The following PRKCD variants were observed in gnomAD, a reference collection of about 807,000 sequenced individuals.
PRKCD encodes the protein protein kinase C delta.
A neutral mutation model predicts 82.2 loss-of-function variants in PRKCD; 20 were observed. The ratio of observed to expected loss-of-function variants is 0.24; its 90% CI spans 0.17 to 0.35. PRKCD has a LOEUF of 0.35. PRKCD is among the 10% of genes least tolerant of loss of function. The pLI is 1.00. For missense variants in PRKCD, 607 were observed against 899.0 expected, an observed-to-expected ratio of 0.68 and a Z score of 4.15; for synonymous variants, 317 against 337.0, an observed-to-expected ratio of 0.94 and a Z score of 0.65.
At chr3:53,176,561 AT>A (rs1208170991) in intron 2 of PRKCD, among the ~76,000 whole-genome samples, 2 of 152,250 alleles carry the variant, frequency 1.3e-5, no homozygotes, top group African/African-American at 4.8e-5. Context: ...ATACATGTGC[AT>A]GTGCACAAAA....
intron 2 of PRKCD, among the ~76,000 whole-genome samples, chr3:53,167,146 T>C (rs564906120): frequency 6.6e-6 from 1 of 152,340 alleles, no homozygotes; most frequent in South Asian, 2.1e-4. Context: ...GGAGGCTTAC[T>C]TCCTCTGAGC....
chr3:53,189,832 A>G (rs782639408), intron 17 of PRKCD, 41 bp from the exon 18 acceptor site: 13 of 1,612,132 alleles, frequency 8.1e-6, no homozygotes, highest in Non-Finnish European at 1.0e-5. Flanking sequence ...CCAATTTCCC[A>G]TGGCCCTTGG....
At chr3:53,171,455 G>A (rs1156325635) in intron 2 of PRKCD, among the ~76,000 whole-genome samples, 1 of 152,214 alleles carries the variant, frequency 6.6e-6, no homozygotes, top group Non-Finnish European at 1.5e-5. Context: ...AAGGCCCCCA[G>A]CCAACAGGTC....
Position 53,186,304 on chromosome 3 carries a change from C to A in PRKCD, c.1224C>A (p.Pro408=). ...KRVLTLAAEN[P]FLTHLICTFQ... ...TGCTGACACTTGCCGCAGAGAATCCCTTTCTCACCCACCTCATCTGCACCT... is the reference window on the plus strand; with the variant it reads ...TGCTGACACTTGCCGCAGAGAATCCATTTCTCACCCACCTCATCTGCACCT... The change falls in exon 13 of 19, where the codon CCC becomes CCA. Residue 408 remains proline (P), a synonymous_variant. Coordinates refer to ENST00000330452, the MANE Select transcript of PRKCD (RefSeq NM_006254.4). 6.2e-7 allele frequency: 1 copy of A among 1,614,168 alleles called. No homozygotes were observed. The highest frequency in any genetic ancestry group is 8.5e-7 in the Non-Finnish European group (1 of 1,180,022).
At chr3:53,186,063 C>A in intron 12 of PRKCD, 36 bp downstream of exon 12, 2 of 1,612,732 alleles carry the variant, frequency 1.2e-6, no homozygotes, top group Non-Finnish European at 8.5e-7. Context: ...CTTCCCACCC[C>A]ACCCTGGCTT....
intron 1 of PRKCD, among the ~76,000 whole-genome samples, chr3:53,162,102 G>A (rs1193385336): frequency 6.6e-6 from 1 of 151,678 alleles, no homozygotes; most frequent in Admixed American, 6.6e-5. Flanking sequence ...CCCTTCATCC[G>A]TCTCTGGGCT....
At chr3:53,184,675 C>CAA (rs535517121) in intron 9 of PRKCD, among the ~76,000 whole-genome samples, 199 bp from the exon 10 acceptor site, 1,333 of 116,670 alleles carry the variant, frequency 0.011, 19 homozygotes, top group African/African-American at 0.037. Context: ...AACTCCATCT[C>CAA]AAAAAAAAAA....
intron 18 of PRKCD, among the ~76,000 whole-genome samples, chr3:53,190,733 T>G (rs1208906399): frequency 6.6e-6 from 1 of 152,198 alleles, no homozygotes; most frequent in African/African-American, 2.4e-5. Flanking sequence ...TGTCCTTTGA[T>G]TCCCCTCCTC....
intron 2 of PRKCD, among the ~76,000 whole-genome samples, chr3:53,176,860 G>A (rs540579249): frequency 7.2e-4 from 109 of 152,212 alleles, no homozygotes; most frequent in African/African-American, 2.5e-3. Context: ...GCAGAGTCTC[G>A]CTCTGTTGCC....
chr3:53,169,045 G>A lies in PRKCD; in HGVS notation c.-20+3830G>A, dbSNP rs2107227411. Among the ~76,000 whole-genome samples, 4 of 152,284 alleles carry A rather than the reference G, an allele frequency of 2.6e-5. No homozygotes were observed. In the Middle Eastern group the frequency reaches 0.01, roughly 388 times the overall value. Reference sequence around the variant, plus strand: ...GACAGGTGCAGAGCCTGGGGATGGTGGTGGTGGGAGAAGAGGATTTGAGAC... The same window carrying A: ...GACAGGTGCAGAGCCTGGGGATGGTAGTGGTGGGAGAAGAGGATTTGAGAC... On this transcript the variant is annotated intron_variant, in intron 2 of 18. Transcript: ENST00000330452. The surrounding 1 kb of genome is among the most constrained non-coding windows in gnomAD (Gnocchi z 4.7).
intron 7 of PRKCD, among the ~76,000 whole-genome samples, chr3:53,182,687 A>G (rs182273284): frequency 1.8e-3 from 273 of 152,322 alleles, no homozygotes; most frequent in African/African-American, 6.0e-3. Flanking sequence ...TCTGTGTAAG[A>G]AGTCTGTTAT....
At chr3:53,186,525 G>A in intron 13 of PRKCD, 79 bp from the exon 14 acceptor site, 1 of 1,433,824 alleles carries the variant, frequency 7.0e-7, no homozygotes. Flanking sequence ...GTTTCCTGTT[G>A]GGGCTTGGCC....
chr3:53,165,600 A>G (rs1702806899), intron 2 of PRKCD, among the ~76,000 whole-genome samples: 1 of 152,178 alleles, frequency 6.6e-6, no homozygotes, highest in Non-Finnish European at 1.5e-5. Flanking sequence ...AACTCACCTC[A>G]TCATCACACA....
At chr3:53,178,381 G>T (rs781886373) in intron 2 of PRKCD, 23 bp from the exon 3 acceptor site, 9 of 1,562,256 alleles carry the variant, frequency 5.8e-6, no homozygotes, top group Admixed American at 3.4e-5. Context: ...CGGCCGCCTG[G>T]CCTCACCCCT....
At position 53,189,253 on chromosome 3, in the gene PRKCD, G is replaced by A. The variant is rs1559632243; in HGVS notation, c.1743+7G>A. 6.3e-7 allele frequency: 1 copy of A among 1,584,342 alleles called. No individual in the cohort carries two copies. Among genetic ancestry groups the A allele is most frequent in the South Asian group, 1.1e-5 (1 of 89,348 alleles). On this transcript the variant is annotated splice_region_variant and intron_variant, in intron 17 of 18. Coordinates refer to ENST00000330452, the MANE Select transcript of PRKCD (RefSeq NM_006254.4). ...CAAGGACATCCTGGAGAAGGTGGAG[G>A]CCCTGGGCTGGGCTGGGCTGGTCTG...
intron 17 of PRKCD, 30 bp downstream of exon 17, chr3:53,189,276 C>T: frequency 1.5e-6 from 2 of 1,307,266 alleles, no homozygotes; most frequent in Admixed American, 2.3e-5. Context: ...CTGGGCTGGT[C>T]TGGGCTGGGC....
chr3:53,172,721 C>T (rs1262947508), intron 2 of PRKCD, among the ~76,000 whole-genome samples: 1 of 152,220 alleles, frequency 6.6e-6, no homozygotes, highest in Non-Finnish European at 1.5e-5. Context: ...ACTGGTCTTT[C>T]ATTGCCCTTG....
intron 2 of PRKCD, among the ~76,000 whole-genome samples, chr3:53,176,257 G>A (rs578222080): frequency 8.6e-5 from 13 of 151,748 alleles, no homozygotes; most frequent in South Asian, 6.2e-4. Flanking sequence ...AGCCAGGGCC[G>A]GGCAAGGAAT....
intron 18 of PRKCD, among the ~76,000 whole-genome samples, chr3:53,191,085 C>A (rs528919803): frequency 2.0e-4 from 30 of 152,262 alleles, no homozygotes; most frequent in African/African-American, 7.0e-4. Context: ...AGCTGGAAAT[C>A]TGGATTTTTA....
Sources: gnomAD v4.1 joint callset for allele counts (sites outside exome capture counted in the v4.1 genomes callset) on GRCh38, gnomAD v4.1.1 for gene constraint, Gnocchi (gnomAD v3.1) non-coding constraint, MANE v1.5 for transcripts, NCBI Gene and HGNC (gene_info 2026-07-23, HGNC 2026-07-21) for gene names.